Variants in KLHL13 observed in about 807,000 individuals in gnomAD.
KLHL13 encodes the protein kelch like family member 13.
Under a neutral mutation model 37.1 loss-of-function variants are expected in KLHL13, and 10 were observed. That is an observed-to-expected ratio of 0.27 (90% CI 0.17 to 0.46). KLHL13 has a LOEUF of 0.46. Ranked by LOEUF, KLHL13 falls within the 20% of genes least tolerant of loss-of-function variation. The pLI is 1.00. For synonymous variants in KLHL13, 163 were observed against 181.2 expected (o/e 0.90, Z 0.81); for missense variants, 360 against 509.3 (o/e 0.71, Z 2.82).
intron 1 of KLHL13, among the ~76,000 whole-genome samples, chrX:117,960,053 A>G (rs1039726659): frequency 1.8e-5 from 2 of 110,726 alleles, no homozygotes; most frequent in Non-Finnish European, 3.8e-5. Context: ...CTAAAACACA[A>G]TATTTTCAAT....
chrX:118,095,125 T>C (rs950535631), intron 1 of KLHL13, among the ~76,000 whole-genome samples: 7 of 111,502 alleles, frequency 6.3e-5, no homozygotes, highest in Non-Finnish European at 1.3e-4. Flanking sequence ...GACCCACCAG[T>C]GTGCTGCATT....
At chrX:117,940,600 G>C (rs1932970198) in intron 2 of KLHL13, among the ~76,000 whole-genome samples, 1 of 111,601 alleles carries the variant, frequency 9.0e-6, no homozygotes, top group African/African-American at 3.3e-5. Flanking sequence ...CCATTTGTTT[G>C]TGTCCTCTCT....
intron 4 of KLHL13, among the ~76,000 whole-genome samples, chrX:117,914,796 T>C (rs749131042): frequency 7.1e-5 from 8 of 112,712 alleles, no homozygotes; most frequent in African/African-American, 2.6e-4. Context: ...AGTTCCTTTA[T>C]TGAATGCAAT....
intron 1 of KLHL13, among the ~76,000 whole-genome samples, chrX:117,979,358 T>C (rs1195676963): frequency 9.0e-6 from 1 of 111,715 alleles, no homozygotes; most frequent in Non-Finnish European, 1.9e-5. Context: ...GGGTAACATA[T>C]CCAATGCTCC....
chrX:118,097,178 C>T (rs1443782246), intron 1 of KLHL13, among the ~76,000 whole-genome samples: 1 of 111,432 alleles, frequency 9.0e-6, no homozygotes, highest in Non-Finnish European at 1.9e-5. Flanking sequence ...ATCTAGAAAA[C>T]CCCATTGTCT....
chrX:117,996,063 C>G (rs1354976236), intron 1 of KLHL13, among the ~76,000 whole-genome samples: 1 of 111,383 alleles, frequency 9.0e-6, no homozygotes, highest in Non-Finnish European at 1.9e-5. Flanking sequence ...ACTCTATGTT[C>G]AACTTTTTAA....
At chrX:118,093,673 C>T (rs1378101564) in intron 1 of KLHL13, among the ~76,000 whole-genome samples, 1 of 111,421 alleles carries the variant, frequency 9.0e-6, no homozygotes, top group African/African-American at 3.3e-5. Context: ...GCTAGGAAAT[C>T]ATCTAAATTA....
At chrX:118,072,162 C>G (rs1313266660) in intron 1 of KLHL13, among the ~76,000 whole-genome samples, 1 of 109,702 alleles carries the variant, frequency 9.1e-6, no homozygotes, top group Non-Finnish European at 1.9e-5. Context: ...ACAGAGCCCT[C>G]AGAAATAACG....
At chrX:117,966,504 A>C (rs993554106) in intron 1 of KLHL13, among the ~76,000 whole-genome samples, 1 of 111,594 alleles carries the variant, frequency 9.0e-6, no homozygotes, top group Admixed American at 9.5e-5. Flanking sequence ...TTATAGATTC[A>C]ATGCCATCCC....
chrX:118,013,247 T>C (rs951095458), intron 1 of KLHL13, among the ~76,000 whole-genome samples: 1 of 111,476 alleles, frequency 9.0e-6, no homozygotes, highest in Non-Finnish European at 1.9e-5. Flanking sequence ...GGTGTGACAA[T>C]AGACAGTATA....
chrX:118,075,661 A>G (rs191864500), intron 1 of KLHL13, among the ~76,000 whole-genome samples: 1 of 111,751 alleles, frequency 8.9e-6, no homozygotes, highest in African/African-American at 3.2e-5. Context: ...GACATGGAAT[A>G]AAAGAGGAAG....
chrX:117,924,082 G>A (rs905214558), intron 2 of KLHL13, among the ~76,000 whole-genome samples: 1 of 111,707 alleles, frequency 9.0e-6, no homozygotes, highest in Non-Finnish European at 1.9e-5. Context: ...ATGCATAAAT[G>A]AATGACCCCA....
intron 2 of KLHL13, among the ~76,000 whole-genome samples, chrX:117,922,812 G>C (rs914463599): frequency 8.9e-6 from 1 of 111,922 alleles, no homozygotes; most frequent in African/African-American, 3.2e-5. Flanking sequence ...AAGGATATAA[G>C]TTAAAAACTT....
chrX:117,945,562 C>T, exon 2 of KLHL13: 1 of 1,196,899 alleles, frequency 8.4e-7, no homozygotes, highest in East Asian at 3.0e-5. Flanking sequence ...TGGTCTTCCT[C>T]TTCCACGAGA....
intron 1 of KLHL13, among the ~76,000 whole-genome samples, chrX:118,032,472 C>A (rs1361153269): frequency 1.8e-5 from 2 of 111,862 alleles, no homozygotes; most frequent in Non-Finnish European, 3.8e-5. Flanking sequence ...CACCCCCCAG[C>A]AGGGGCAGCC....
Position 117,908,396 on chromosome X carries a change from C to T in KLHL13, c.1366+905G>A, listed in dbSNP as rs760858407. Among the ~76,000 whole-genome samples, 482 of 108,575 alleles carry T rather than the reference C, an allele frequency of 4.4e-3. 3 individuals carry two copies. Among genetic ancestry groups the T allele is most frequent in the African/African-American group, 0.014 (424 of 29,820 alleles). 94.3% of individuals were successfully genotyped at this position (108,575 alleles called of 115,157 possible). A position where few individuals can be genotyped will look rare whatever the true frequency, so the allele number is the denominator to read the frequency against. On this transcript the variant is annotated intron_variant, in intron 5 of 6. Transcript: ENST00000262820. ...CTCCTAATGCTATCCCTCCCCTAGC[C>T]CCCCAACCCCAGACAGGCCCTGGTG...
chrX:118,080,989 C>T (rs1015512477), intron 1 of KLHL13, among the ~76,000 whole-genome samples: 1 of 111,567 alleles, frequency 9.0e-6, no homozygotes, highest in African/African-American at 3.3e-5. Context: ...ACGCCATAAT[C>T]ACAAGCGAAT....
chrX:117,898,841 G>C, exon 7 of KLHL13: 1 of 1,089,996 alleles, frequency 9.2e-7, no homozygotes, highest in East Asian at 3.0e-5. Flanking sequence ...ACTTAAGGGG[G>C]AAAAAGAAGA....
chrX:118,107,440 C>T, intron 1 of KLHL13, among the ~76,000 whole-genome samples: 1 of 111,835 alleles, frequency 8.9e-6, no homozygotes, highest in Non-Finnish European at 1.9e-5. Context: ...AGAAGACACA[C>T]AATTTCCCCT....
Sources: gnomAD v4.1 joint callset for allele counts (sites outside exome capture counted in the v4.1 genomes callset) on GRCh38, gnomAD v4.1.1 for gene constraint, MANE v1.5 for transcripts, NCBI Gene and HGNC (gene_info 2026-07-23, HGNC 2026-07-21) for gene names.